NAALADL2: variants seen among roughly 807,000 people sequenced by gnomAD.
NAALADL2 encodes inactive N-acetylated-alpha-linked acidic dipeptidase-like protein 2.
A neutral mutation model predicts 87.2 loss-of-function variants in NAALADL2; 76 were observed. The ratio of observed to expected loss-of-function variants is 0.87; its 90% confidence interval spans 0.72 to 1.05. NAALADL2 has a LOEUF of 1.05. Ranked by LOEUF, NAALADL2 falls within the 50% of genes least tolerant of loss-of-function variation. The pLI is 0.00. For synonymous variants in NAALADL2, 354 were observed against 331.0 expected, an observed-to-expected ratio of 1.07 and a Z score of -0.75; for missense variants, 1,089 against 945.8, an observed-to-expected ratio of 1.15 and a Z score of -1.99.
intron 1 of NAALADL2, among the ~76,000 whole-genome samples, chr3:174,928,365 G>A (rs763200072): frequency 1.3e-5 from 2 of 151,952 alleles, no homozygotes; most frequent in Non-Finnish European, 2.9e-5. Context: ...TCATCCTCTC[G>A]AGTACCTGGG....
intron 2 of NAALADL2, among the ~76,000 whole-genome samples, chr3:174,673,483 C>T (rs1043276142): frequency 3.3e-5 from 5 of 151,764 alleles, no homozygotes; most frequent in Non-Finnish European, 5.9e-5. Flanking sequence ...ACTGTTCAGC[C>T]GTAATTTGCA....
intron 1 of NAALADL2, among the ~76,000 whole-genome samples, chr3:174,530,441 A>T (rs987789715): frequency 1.3e-5 from 2 of 152,104 alleles, no homozygotes; most frequent in Non-Finnish European, 2.9e-5. Flanking sequence ...AACTGTTCCA[A>T]CCGCTTCCAC....
chr3:175,537,316 G>C (rs2149459919), intron 9 of NAALADL2, among the ~76,000 whole-genome samples: 1 of 152,232 alleles, frequency 6.6e-6, no homozygotes. Context: ...CTATGACTTT[G>C]ACAATTTATT....
At chr3:175,185,910 A>G (rs973521514) in intron 2 of NAALADL2, among the ~76,000 whole-genome samples, 5 of 151,742 alleles carry the variant, frequency 3.3e-5, no homozygotes, top group African/African-American at 9.7e-5. Flanking sequence ...TAAAATTTAT[A>G]TTTTCACATA....
At chr3:175,773,287 A>G (rs1749751119) in intron 13 of NAALADL2, 1 of 152,138 alleles carries the variant, frequency 6.6e-6, no homozygotes. Context: ...CAAAATAACT[A>G]CAGATGGTTT....
chr3:175,675,387 A>T (rs1052238810), intron 11 of NAALADL2: 1 of 152,254 alleles, frequency 6.6e-6, no homozygotes, highest in African/African-American at 2.4e-5. Context: ...ACAAATGGTC[A>T]TTCTTCATGC....
chr3:175,628,439 G>C (rs963473475), intron 11 of NAALADL2, among the ~76,000 whole-genome samples: 6 of 151,280 alleles, frequency 4.0e-5, no homozygotes, highest in African/African-American at 1.5e-4. Context: ...ATTACATAAA[G>C]AAAATTAAAT....
chr3:174,647,168 A>G (rs747043899), intron 2 of NAALADL2, among the ~76,000 whole-genome samples: 7 of 152,236 alleles, frequency 4.6e-5, no homozygotes, highest in Non-Finnish European at 5.9e-5. Flanking sequence ...TTCTCACAGC[A>G]ACACTATAAT....
chr3:175,248,227 C>A (rs909362367), intron 3 of NAALADL2, among the ~76,000 whole-genome samples: 1 of 152,158 alleles, frequency 6.6e-6, no homozygotes, highest in South Asian at 2.1e-4. Flanking sequence ...ATGTTACTTA[C>A]CATCTCCTTG....
intron 2 of NAALADL2, among the ~76,000 whole-genome samples, chr3:175,113,737 T>C (rs2108510555): frequency 6.6e-6 from 1 of 151,748 alleles, no homozygotes. Context: ...GAGAGGAAAC[T>C]TGTGCTTAAG....
chr3:174,905,100 T>C (rs2108274248), intron 1 of NAALADL2, among the ~76,000 whole-genome samples: 1 of 152,012 alleles, frequency 6.6e-6, no homozygotes, highest in Non-Finnish European at 1.5e-5. Flanking sequence ...TTTAAAAATA[T>C]AAATCGTAAT....
chr3:174,839,294 T>C (rs551162486), intron 3 of NAALADL2, among the ~76,000 whole-genome samples: 1 of 152,122 alleles, frequency 6.6e-6, no homozygotes, highest in South Asian at 2.1e-4. Flanking sequence ...TAGCCACACG[T>C]AGGAAAATGA....
chr3:175,283,172 A>T (rs1442556994), intron 4 of NAALADL2, among the ~76,000 whole-genome samples: 1 of 152,094 alleles, frequency 6.6e-6, no homozygotes, highest in African/African-American at 2.4e-5. Flanking sequence ...ATCTATGTGC[A>T]TTAATATTTT....
intron 5 of NAALADL2, among the ~76,000 whole-genome samples, chr3:175,427,926 G>A (rs922907485): frequency 2.0e-5 from 3 of 152,004 alleles, no homozygotes; most frequent in African/African-American, 7.2e-5. Flanking sequence ...GACATATAAT[G>A]CCTGTTTCTT....
At chr3:174,566,888 C>T (rs1435092953) in intron 2 of NAALADL2, among the ~76,000 whole-genome samples, 2 of 151,296 alleles carry the variant, frequency 1.3e-5, no homozygotes, top group Non-Finnish European at 1.5e-5. Context: ...TTAAGAAAAC[C>T]ACAAAACAAA....
chr3:174,602,855 A>G (rs1409948195), intron 2 of NAALADL2, among the ~76,000 whole-genome samples: 1 of 152,032 alleles, frequency 6.6e-6, no homozygotes, highest in Non-Finnish European at 1.5e-5. Context: ...AAATTTATCA[A>G]ATGATTTTTC....
chr3:175,145,357 T>G (rs1730593411), intron 2 of NAALADL2, among the ~76,000 whole-genome samples: 2 of 152,110 alleles, frequency 1.3e-5, no homozygotes. Flanking sequence ...TATTTCCCAG[T>G]GACCTACATG....
chr3:175,193,706 C>T (rs556586272), intron 2 of NAALADL2, among the ~76,000 whole-genome samples: 1 of 151,986 alleles, frequency 6.6e-6, no homozygotes, highest in Admixed American at 6.5e-5. Flanking sequence ...CTCCACTATT[C>T]ACTGCTTTGT....
At position 174,837,793 on chromosome 3, in the gene NAALADL2, C is replaced by CA. The variant is rs769855751; in HGVS notation, c.-9+100055dup. ...TGGGTGATAGAGTGCGACTCTGTCT[C>CA]AAAAAAAACAAACACAAAAACAAAA... On this transcript the variant is annotated intron_variant, in intron 3 of 3. Coordinates refer to the NAALADL2 transcript ENST00000434257. 4.7e-4 allele frequency among the ~76,000 whole-genome samples: 71 copies of CA among 150,734 alleles called. No individual in the cohort carries two copies. In the East Asian group the frequency reaches 6.3e-3, roughly 13 times the overall value.
Sources: gnomAD v4.1 joint callset for allele counts (sites outside exome capture counted in the v4.1 genomes callset) on GRCh38, gnomAD v4.1.1 for gene constraint, MANE v1.5 for transcripts, NCBI Gene and HGNC (gene_info 2026-07-23, HGNC 2026-07-21) for gene names.